MTMR3: variants seen among roughly 807,000 people sequenced by gnomAD.
MTMR3 encodes the protein myotubularin related protein 3, also known as phosphatidylinositol-3,5-bisphosphate 3-phosphatase MTMR3.
In MTMR3, 32 loss-of-function variants were observed where a neutral mutation model predicts 132.4. That is an observed-to-expected ratio of 0.24 (90% CI 0.18 to 0.32). The LOEUF is 0.32. Ranked by LOEUF, MTMR3 falls within the 10% of genes least tolerant of loss-of-function variation. The pLI is 1.00. For synonymous variants in MTMR3, 556 were observed against 550.3 expected (o/e 1.01, Z -0.14); for missense variants, 1,216 against 1,489.6 (o/e 0.82, Z 3.02).
At chr22:29,923,064 C>T (rs183051857) in intron 1 of MTMR3, among the ~76,000 whole-genome samples, 185 of 136,806 alleles carry the variant, frequency 1.4e-3, no homozygotes, top group Admixed American at 2.9e-3. Context: ...TTTTTTGAGA[C>T]GGAGTCTTGC....
intron 7 of MTMR3, chr22:29,995,753 T>C (rs2067048407): frequency 6.6e-6 from 1 of 152,094 alleles, no homozygotes; most frequent in Admixed American, 6.6e-5. Flanking sequence ...GAGATGGAGA[T>C]TTTTAAGGGG....
intron 2 of MTMR3, among the ~76,000 whole-genome samples, chr22:29,959,599 GA>G (rs1246050967): frequency 2.6e-5 from 4 of 151,890 alleles, no homozygotes; most frequent in Non-Finnish European, 5.9e-5. Context: ...GGCTGGTCTC[GA>G]ACTCCTGATT....
At position 29,991,603 on chromosome 22, in the gene MTMR3, A is replaced by G; in HGVS notation, c.393A>G (p.Ala131=). 2.5e-6 allele frequency: 4 copies of G among 1,614,132 alleles called. No individual in the cohort carries two copies. The highest frequency in any genetic ancestry group is 3.4e-6 in the Non-Finnish European group (4 of 1,179,980). The change falls in exon 7 of 20, where the codon GCA becomes GCG. Residue 131 remains alanine, a synonymous_variant. Coordinates refer to ENST00000401950, the MANE Select transcript of MTMR3 (RefSeq NM_021090.4). ...PAKIEDLFSF[A]YHAWCMEVYA... is the part of the protein sequence containing the mutation. ...AAATAGAAGATCTCTTCTCATTTGC[A>G]TACCATGCTTGGTGCATGGAGGTCT...
At chr22:29,912,264 T>C (rs1285050030) in intron 1 of MTMR3, among the ~76,000 whole-genome samples, 1 of 152,176 alleles carries the variant, frequency 6.6e-6, no homozygotes, top group South Asian at 2.1e-4. Flanking sequence ...TTCCTGTCTT[T>C]TTATTATTTA....
Position 29,925,792 on chromosome 22 carries a change from G to C in MTMR3, c.-137-31244G>C, listed in dbSNP as rs147713183. ...TAGCTGGGTGTGATGGTGGGCACCT[G>C]TGGTCCCAGCTGTTTGGGAGGCTGA... On this transcript the variant is annotated intron_variant, in intron 1 of 19. Coordinates refer to ENST00000401950, the MANE Select transcript of MTMR3 (RefSeq NM_021090.4). 1.1e-4 allele frequency among the ~76,000 whole-genome samples: 16 copies of C among 152,244 alleles called. No individual in the cohort carries two copies. In the East Asian group the frequency reaches 3.1e-3, roughly 29 times the overall value.
chr22:29,889,137 T>A (rs1326076848), intron 1 of MTMR3, among the ~76,000 whole-genome samples: 1 of 152,068 alleles, frequency 6.6e-6, no homozygotes, highest in African/African-American at 2.4e-5. Context: ...TATTTAATTG[T>A]TTAGACTGAT....
chr22:29,973,049 G>C (rs1308703733), intron 3 of MTMR3, among the ~76,000 whole-genome samples: 1 of 152,142 alleles, frequency 6.6e-6, no homozygotes. Flanking sequence ...GCAAGTTGTT[G>C]AACCATTGAT....
chr22:30,003,135 A>G, intron 9 of MTMR3, 142 bp downstream of exon 9: 1 of 610,254 alleles, frequency 1.6e-6, no homozygotes, highest in Non-Finnish European at 2.9e-6. Context: ...CCTTATTGTT[A>G]AAGCTTCTCC....
At chr22:29,987,119 A>T (rs559391769) in intron 5 of MTMR3, 35 of 152,368 alleles carry the variant, frequency 2.3e-4, no homozygotes, top group African/African-American at 7.7e-4. Context: ...ACTTAAAAGC[A>T]AGAAGACTTT....
Position 30,020,264 on chromosome 22 carries a change from G to A in MTMR3, c.2605G>A (p.Val869Ile), listed in dbSNP as rs1387457938. Residue 869 changes from valine (V) to isoleucine (I), a missense_variant, in exon 17 of 20, where the codon GTA becomes ATA. Physicochemically the swap from Val to Ile is conservative, Grantham distance 29. Around this residue, in one of 7 missense-constraint regions of MTMR3, gnomAD observed 852 missense variants for 852.0 expected, o/e 1.00. Transcript: ENST00000401950. ...CCAAGGTCATCATAGATCTTGCCTTGTAAATAGTGGCAAGGACAGGCTTCC... is the reference window on the plus strand; with the variant it reads ...CCAAGGTCATCATAGATCTTGCCTTATAAATAGTGGCAAGGACAGGCTTCC... ...GPQGHHRSCL[V>I]NSGKDRLPQT... 11 of 1,614,116 alleles carry A rather than the reference G, an allele frequency of 6.8e-6. No homozygotes were observed. Among genetic ancestry groups the A allele is most frequent in the Middle Eastern group, 1.6e-4 (1 of 6,084 alleles).
chr22:29,889,847 G>A (rs1357702738), intron 1 of MTMR3, among the ~76,000 whole-genome samples: 4 of 149,488 alleles, frequency 2.7e-5, no homozygotes, highest in Non-Finnish European at 3.0e-5. Flanking sequence ...TGATGAACTC[G>A]TTTGGACATT....
At chr22:29,989,891 C>T (rs990228350) in intron 6 of MTMR3, 1 of 152,192 alleles carries the variant, frequency 6.6e-6, no homozygotes, top group South Asian at 2.1e-4. Flanking sequence ...ATAAAAATTT[C>T]TCCATAAGTT....
At chr22:29,972,475 A>G (rs982800356) in intron 3 of MTMR3, among the ~76,000 whole-genome samples, 2 of 152,094 alleles carry the variant, frequency 1.3e-5, no homozygotes, top group Admixed American at 6.6e-5. Context: ...CCATGTATGT[A>G]TCTTTTGTTT....
At chr22:29,924,491 T>C (rs1279772365) in intron 1 of MTMR3, among the ~76,000 whole-genome samples, 4 of 152,224 alleles carry the variant, frequency 2.6e-5, no homozygotes, top group Non-Finnish European at 5.9e-5. Context: ...TGCAGTCAGT[T>C]AGTGTGAGTT....
intron 5 of MTMR3, chr22:29,985,859 A>G (rs997539731): frequency 2.0e-5 from 3 of 152,318 alleles, no homozygotes; most frequent in African/African-American, 7.2e-5. Context: ...TAGGTAGCAA[A>G]TGTTTTGCAT....
intron 2 of MTMR3, 111 bp downstream of exon 2, chr22:29,957,199 G>C (rs2066211201): frequency 6.9e-6 from 1 of 145,308 alleles, no homozygotes; most frequent in Non-Finnish European, 1.5e-5. Flanking sequence ...GGATCTGTTT[G>C]TCAATGTCCA....
intron 1 of MTMR3, among the ~76,000 whole-genome samples, chr22:29,902,038 C>G (rs1301570146): frequency 6.6e-6 from 1 of 151,996 alleles, no homozygotes; most frequent in Admixed American, 6.6e-5. Flanking sequence ...TACACATGTG[C>G]CCATGTATTT....
intron 5 of MTMR3, chr22:29,980,113 A>G (rs1569034187): frequency 6.6e-6 from 1 of 152,032 alleles, no homozygotes; most frequent in Non-Finnish European, 1.5e-5. Flanking sequence ...ACAGCTCAGG[A>G]CTGTAATTCC....
At chr22:30,017,788 CA>C in intron 15 of MTMR3, 138 bp from the exon 16 acceptor site, 2 of 1,031,738 alleles carry the variant, frequency 1.9e-6, no homozygotes, top group Non-Finnish European at 2.9e-6. Context: ...GACCTGTATC[CA>C]TTGGTGCTGC....
Sources: gnomAD v4.1 joint callset for allele counts (sites outside exome capture counted in the v4.1 genomes callset) on GRCh38, gnomAD v4.1.1 for gene constraint, gnomAD v4.1.1 regional missense constraint, MANE v1.5 for transcripts, NCBI Gene and HGNC (gene_info 2026-07-23, HGNC 2026-07-21) for gene names.